Variants in LMLN observed in about 807,000 individuals in gnomAD.
LMLN encodes the protein leishmanolysin-like peptidase.
Under a neutral mutation model 92.3 loss-of-function variants are expected in LMLN, and 70 were observed. That is an observed-to-expected ratio of 0.76 (90% confidence interval 0.63 to 0.92). The LOEUF is 0.92. LMLN is among the 40% of genes least tolerant of loss of function. The pLI, the probability that LMLN is intolerant of heterozygous loss-of-function variation, is 0.00. For missense variants in LMLN, 691 were observed against 814.6 expected, an observed-to-expected ratio of 0.85 and a Z score of 1.85; for synonymous variants, 308 against 296.2, an observed-to-expected ratio of 1.04 and a Z score of -0.41.
chr3:198,038,531 G>A lies in LMLN; in HGVS notation c.1868-36G>A, dbSNP rs572010125. ...AATTGGTATGATTTATCCCAAAATT[G>A]TTTATAGAAAGTCAGTTTTTTGTTT... On this transcript the variant is annotated intron_variant, in intron 15 of 15. Transcript: ENST00000330198. 3.5e-6 allele frequency: 5 copies of A among 1,425,622 alleles called. No homozygotes were observed. In the South Asian group the frequency reaches 4.6e-5, roughly 13 times the overall value. 88.3% of individuals were successfully genotyped at this position (1,425,622 alleles called of 1,614,324 possible).
rs1723419534 is a variant in LMLN at position 198,042,020 on chromosome 3, TG to T, written c.*3355del. The T allele has an allele frequency of 6.6e-6, 1 of 152,214 alleles. No individual in the cohort carries two copies. The highest frequency in any genetic ancestry group is 1.5e-5 in the Non-Finnish European group (1 of 68,036). The allele number at this position is 152,214 out of a possible 1,614,324, so 9.4% of individuals were successfully genotyped here. A position where few individuals can be genotyped will look rare whatever the true frequency, so the allele number is the denominator to read the frequency against. ...TATATATTTATTAAGCTTGGGAACCTGGTCGCCCAGTGTTTTCTCTGGACAA... is the reference window on the plus strand; with the variant it reads ...TATATATTTATTAAGCTTGGGAACCTGTCGCCCAGTGTTTTCTCTGGACAA... On this transcript the variant is annotated 3_prime_UTR_variant, in exon 16 of 16. Transcript: ENST00000330198. The surrounding 1 kb of genome is among the most constrained non-coding windows in gnomAD (Gnocchi z 4.2).
chr3:197,971,612 T>C (rs1387193487), intron 1 of LMLN, among the ~76,000 whole-genome samples: 1 of 152,214 alleles, frequency 6.6e-6, no homozygotes, highest in Non-Finnish European at 1.5e-5. Context: ...GGGGACAAAG[T>C]CTCACTCTGT....
chr3:197,987,182 C>T (rs1430928139), intron 8 of LMLN, among the ~76,000 whole-genome samples: 4 of 105,050 alleles, frequency 3.8e-5, no homozygotes, highest in South Asian at 3.4e-4. Flanking sequence ...TTTTTTGAGA[C>T]GGAGTCTCGC....
chr3:198,023,918 G>A (rs1722849461), intron 13 of LMLN, among the ~76,000 whole-genome samples: 1 of 152,312 alleles, frequency 6.6e-6, no homozygotes, highest in South Asian at 2.1e-4. Flanking sequence ...GGCACAAGTT[G>A]AAGATATAAG....
chr3:197,960,322 C>G, exon 1 of LMLN: 1 of 1,613,848 alleles, frequency 6.2e-7, no homozygotes, highest in Non-Finnish European at 8.5e-7. Flanking sequence ...TGGAGCGGGT[C>G]TGTGTGGGTC....
Position 198,019,190 on chromosome 3 carries a change from G to T in LMLN, c.1233-63G>T. On this transcript the variant is annotated intron_variant, in intron 11 of 15. Coordinates refer to ENST00000330198, the Ensembl canonical transcript of LMLN. The surrounding 1 kb of genome is among the most constrained non-coding windows in gnomAD (Gnocchi z 5.5). The stretch of plus-strand genomic sequence containing the variant: ...GGATCTGGAATTCCATTTGTTGGCT[G>T]TATAATGGACTTGCAGTATTTTCTT... 1 of 1,476,848 alleles carries T rather than the reference G, an allele frequency of 6.8e-7. No homozygotes were observed. The highest frequency in any genetic ancestry group is 1.3e-5 in the South Asian group (1 of 77,528). The allele number at this position is 1,476,848 out of a possible 1,614,324, so 91.5% of individuals were successfully genotyped here.
exon 16 of LMLN, chr3:198,041,892 G>A (rs1723414891): frequency 1.3e-5 from 2 of 152,036 alleles, no homozygotes; most frequent in African/African-American, 4.8e-5. Flanking sequence ...TGAGCATGGT[G>A]CTTTTTATAC....
intron 11 of LMLN, among the ~76,000 whole-genome samples, chr3:198,009,864 G>A (rs773856126): frequency 1.9e-4 from 29 of 152,196 alleles, no homozygotes; most frequent in African/African-American, 6.0e-4. Flanking sequence ...TATTAATGGG[G>A]TAAATGAGAT....
intron 15 of LMLN, among the ~76,000 whole-genome samples, chr3:198,037,078 G>A (rs998740306): frequency 6.6e-6 from 1 of 152,196 alleles, no homozygotes; most frequent in African/African-American, 2.4e-5. Context: ...GAGTACTTGT[G>A]TTGGGGGTCC....
intron 14 of LMLN, among the ~76,000 whole-genome samples, chr3:198,033,541 C>T (rs886327772): frequency 6.6e-6 from 1 of 151,794 alleles, no homozygotes; most frequent in East Asian, 1.9e-4. Context: ...CTCAGCCACT[C>T]GAGTAGCCCA....
chr3:198,031,875 G>A lies in LMLN; in HGVS notation c.1657-3958G>A, dbSNP rs1472795736. ...ACAGCACTTTGGGAGCCCGAGACAG[G>A]CGGATCACTTGAGGTCAAGAGTTTG... On this transcript the variant is annotated intron_variant, in intron 14 of 15. Transcript: ENST00000330198. The surrounding 1 kb of genome is among the most constrained non-coding windows in gnomAD (Gnocchi z 4.8). Among the ~76,000 whole-genome samples the A allele has an allele frequency of 5.3e-5, 8 of 152,082 alleles. No individual in the cohort carries two copies.
At chr3:198,024,417 A>G (rs535977894) in intron 13 of LMLN, among the ~76,000 whole-genome samples, 332 of 152,162 alleles carry the variant, frequency 2.2e-3, no homozygotes, top group African/African-American at 7.5e-3. Flanking sequence ...GGGTTTCACC[A>G]CGTTAGCCAG....
At position 197,963,564 on chromosome 3, in the gene LMLN, G is replaced by A. The variant is rs185463322; in HGVS notation, c.219+3124G>A. 1.4e-3 allele frequency among the ~76,000 whole-genome samples: 212 copies of A among 152,226 alleles called. 2 individuals carry two copies. The highest frequency in any genetic ancestry group is 8.2e-4 in the Non-Finnish European group (56 of 68,016). The stretch of plus-strand genomic sequence containing the variant: ...TGATGCCATTGTCAGTGGAATTATG[G>A]TTAAAGTTTTCCAGTTGTTTGCTGC... On this transcript the variant is annotated intron_variant, in intron 1 of 15. Transcript: ENST00000330198.
At chr3:197,971,102 T>C (rs1721211532) in intron 1 of LMLN, among the ~76,000 whole-genome samples, 1 of 152,244 alleles carries the variant, frequency 6.6e-6, no homozygotes, top group Admixed American at 6.5e-5. Flanking sequence ...TTCTTTATTG[T>C]TCTTCACAGA....
chr3:198,038,603 T>C lies in LMLN; in HGVS notation c.1904T>C (p.Leu635Pro). The change falls in exon 16 of 16, where the codon CTC becomes CCC. Residue 635 changes from leucine (L) to proline (P), a missense_variant. By Grantham distance (98) the Leu-to-Pro change is moderately conservative. This residue lies in a region of LMLN where 352 missense variants were observed against 443.6 expected (regional missense o/e 0.79). Transcript: ENST00000330198. ...TGTTCCTCGAGCCTGGTGGTCACCC[T>C]CTGGCTTCTGCTAGGCAATCTGTTT... is the stretch of plus-strand genomic sequence containing the variant. 2 of 1,614,182 alleles carry C rather than the reference T, an allele frequency of 1.2e-6. 1 individual carries two copies. The highest frequency in any genetic ancestry group is 2.2e-5 in the South Asian group (2 of 91,084).
intron 5 of LMLN, among the ~76,000 whole-genome samples, chr3:197,977,821 A>T (rs555717133): frequency 6.6e-6 from 1 of 152,138 alleles, no homozygotes; most frequent in East Asian, 1.9e-4. Context: ...ATCATCAAAC[A>T]GTCTGGAAGT....
At chr3:197,985,711 T>C in intron 7 of LMLN, 85 bp from the exon 8 acceptor site, 1 of 824,216 alleles carries the variant, frequency 1.2e-6, no homozygotes, top group Non-Finnish European at 2.0e-6. Flanking sequence ...ACGTTCCCGT[T>C]AGTATCAGTG....
At chr3:197,994,615 G>A (rs548459479) in intron 9 of LMLN, 10 of 152,242 alleles carry the variant, frequency 6.6e-5, no homozygotes, top group Admixed American at 5.9e-4. Context: ...TCTCGCTTTG[G>A]CAGCACAAAG....
At chr3:197,990,636 T>C in exon 9 of LMLN, 1 of 1,600,996 alleles carries the variant, frequency 6.2e-7, no homozygotes, top group South Asian at 1.1e-5. Context: ...AATAAGATAG[T>C]TCGTCACACT....
Sources: allele counts gnomAD v4.1 joint callset (sites outside exome capture counted in the v4.1 genomes callset), GRCh38; gene constraint gnomAD v4.1.1; regional missense constraint gnomAD v4.1.1; non-coding constraint Gnocchi (gnomAD v3.1); transcripts MANE v1.5; gene names NCBI Gene and HGNC (gene_info 2026-07-23, HGNC 2026-07-21).